The following RGS12 variants were observed in gnomAD, a reference collection of about 807,000 sequenced individuals.
RGS12 encodes regulator of G protein signaling 12.
RGS12 carries 66 observed loss-of-function variants against 120.1 expected under a neutral mutation model. The ratio of observed to expected loss-of-function variants is 0.55; its 90% CI spans 0.45 to 0.67. The LOEUF (loss-of-function observed/expected upper bound fraction) is 0.67, where lower values mean the gene tolerates loss of function less well. RGS12 is among the 30% of genes least tolerant of loss of function. The probability of loss-of-function intolerance (pLI) is 0.00; values close to 1 mark genes in which losing one functional copy is unlikely to be tolerated. For synonymous variants in RGS12, 827 were observed against 804.7 expected, an observed-to-expected ratio of 1.03 and a Z score of -0.47; for missense variants, 1,859 against 1,957.7, an observed-to-expected ratio of 0.95 and a Z score of 0.95.
intron 3 of RGS12, among the ~76,000 whole-genome samples, chr4:3,350,386 G>C (rs1714244534): frequency 6.6e-6 from 1 of 152,112 alleles, no homozygotes; most frequent in Non-Finnish European, 1.5e-5. Context: ...ATTTATCCAA[G>C]ATTTACTTAA....
In RGS12 at chr4:3,325,939, C is replaced by G. The variant is rs149689981; in HGVS notation, c.1881+7888C>G. 7.7e-3 allele frequency among the ~76,000 whole-genome samples: 1,169 copies of G among 152,232 alleles called. 9 individuals carry two copies. The highest frequency in any genetic ancestry group is 0.024 in the Middle Eastern group (7 of 294). On this transcript the variant is annotated intron_variant, in intron 2 of 17. Transcript: ENST00000336727. ...ATTAGGAACAAAACCATATGACCAT[C>G]TCAATAGACATAGAAAAAGCAGTTG...
chr4:3,424,683 G>T (rs570948302), intron 13 of RGS12, among the ~76,000 whole-genome samples: 2 of 152,270 alleles, frequency 1.3e-5, no homozygotes, highest in African/African-American at 4.8e-5. Flanking sequence ...TGCCGAGGCT[G>T]TGGGGGCTAT....
intron 4 of RGS12, among the ~76,000 whole-genome samples, chr4:3,411,241 T>TA (rs1441846935): frequency 6.6e-6 from 1 of 152,230 alleles, no homozygotes; most frequent in African/African-American, 2.4e-5. Context: ...GACCGTGACT[T>TA]AGACACTCAG....
chr4:3,359,732 C>T (rs759135116), intron 3 of RGS12, among the ~76,000 whole-genome samples: 2 of 151,380 alleles, frequency 1.3e-5, no homozygotes, highest in Non-Finnish European at 2.9e-5. Flanking sequence ...AAGTGATCCT[C>T]CCACCTCAGC....
intron 4 of RGS12, among the ~76,000 whole-genome samples, chr4:3,401,805 C>T (rs150728548): frequency 2.0e-3 from 298 of 152,380 alleles, no homozygotes; most frequent in African/African-American, 6.7e-3. Flanking sequence ...CCTCATTTAC[C>T]GCATGCTCAC....
rs1450554173 is a variant in RGS12, at chr4:3,316,719, T to A, written c.549T>A (p.His183Gln). The A allele has an allele frequency of 6.2e-7, 1 of 1,614,176 alleles. No homozygotes were observed. Among genetic ancestry groups the A allele is most frequent in the Non-Finnish European group, 8.5e-7 (1 of 1,180,030 alleles). ...CCGCAACTCGATTTGATGTTGGACA[T>A]GAAAGTATAAATAATCCAAATCCCA... is the stretch of plus-strand genomic sequence containing the variant. ...ESAATRFDVG[H>Q]ESINNPNPNM... Residue 183 changes from histidine to glutamine, a missense_variant, in exon 2 of 18, where the codon CAT becomes CAA. Physicochemically the swap from His to Gln is conservative, Grantham distance 24. This residue lies in a region of RGS12 where 967 missense variants were observed against 994.2 expected (regional missense o/e 0.97). Coordinates refer to ENST00000336727, the MANE Select transcript of RGS12 (RefSeq NM_001394154.1).
Position 3,316,641 on chromosome 4 carries a change from T to A in RGS12, c.471T>A (p.Cys157Ter), listed in dbSNP as rs1374712894. The A allele has an allele frequency of 6.2e-7, 1 of 1,614,158 alleles. No individual in the cohort carries two copies. Among genetic ancestry groups the A allele is most frequent in the Non-Finnish European group, 8.5e-7 (1 of 1,180,040 alleles). The change falls in exon 2 of 18, where the codon TGT becomes TGA. Residue 157 changes from cysteine to a stop codon, truncating the protein, a stop_gained. Transcript: ENST00000336727. LOFTEE classifies it high-confidence loss of function. ...TGATTTTTGAAAACCCGAGCCTTTG[T>A]GCGAGCAATTCAGAGCCCTTGAAAT... ...FNMIFENPSL[C>*]ASNSEPLKLK...
chr4:3,286,601 G>T, the RGS12 span, among the ~76,000 whole-genome samples: 1 of 152,214 alleles, frequency 6.6e-6, no homozygotes, highest in Non-Finnish European at 1.5e-5. Flanking sequence ...GCTGCGGTGT[G>T]GGGTTTGCTC....
rs371404745 is a variant in RGS12, at chr4:3,430,711, C to T, written c.3870C>T (p.Pro1290=). The T allele has an allele frequency of 1.1e-4, 168 of 1,581,022 alleles. No individual in the cohort carries two copies. Among genetic ancestry groups the T allele is most frequent in the Middle Eastern group, 8.5e-4 (5 of 5,886 alleles). Residue 1290 remains proline, a synonymous_variant, in exon 17 of 18, where the codon CCC becomes CCT. Transcript: ENST00000336727. Reference sequence around the variant, plus strand: ...CTGGACCTCCTGGGACGACCCCCCCCGGGCAGAAGTCTCCCAGCGGGCCCT... The same window carrying T: ...CTGGACCTCCTGGGACGACCCCCCCTGGGCAGAAGTCTCCCAGCGGGCCCT... The part of the protein sequence containing the change: ...SPPGPPGTTP[P]GQKSPSGPFC...
At chr4:3,325,513 GT>G (rs1239964783) in intron 2 of RGS12, among the ~76,000 whole-genome samples, 3 of 152,154 alleles carry the variant, frequency 2.0e-5, no homozygotes, top group Non-Finnish European at 2.9e-5. Flanking sequence ...AAAAGGGTGG[GT>G]CTGAATAACG....
In RGS12 at chr4:3,413,946, G is replaced by A. The variant is rs544235915; in HGVS notation, c.2021-126G>A. On this transcript the variant is annotated intron_variant, in intron 4 of 17. Coordinates refer to ENST00000336727, the MANE Select transcript of RGS12 (RefSeq NM_001394154.1). ...GGTAGGTGTGCTGTGCATAGTTGTT[G>A]ACTGAATGGGTGTTGGAGGGGACAG... is the stretch of plus-strand genomic sequence containing the variant. 29 of 953,008 alleles carry A rather than the reference G, an allele frequency of 3.0e-5. No homozygotes were observed. In the East Asian group the frequency reaches 7.7e-4, roughly 25 times the overall value. 59.0% of individuals were successfully genotyped at this position (953,008 alleles called of 1,614,324 possible).
chr4:3,361,883 C>T (rs906052982), intron 3 of RGS12, among the ~76,000 whole-genome samples: 4 of 152,186 alleles, frequency 2.6e-5, no homozygotes, highest in Non-Finnish European at 4.4e-5. Flanking sequence ...GACAGGCCCA[C>T]GTGCATCAGT....
At chr4:3,360,841 G>A (rs1328466002) in intron 3 of RGS12, among the ~76,000 whole-genome samples, 17 of 152,216 alleles carry the variant, frequency 1.1e-4, no homozygotes, top group Admixed American at 1.1e-3. Flanking sequence ...CCATGAGAAT[G>A]ACAAACGGCT....
chr4:3,310,192 G>A (rs1275571594), intron 1 of RGS12, among the ~76,000 whole-genome samples: 3 of 149,934 alleles, frequency 2.0e-5, no homozygotes, highest in African/African-American at 5.0e-5. Flanking sequence ...GCTGGGACCC[G>A]GGAATGGCAG....
intron 3 of RGS12, among the ~76,000 whole-genome samples, chr4:3,355,028 A>G (rs1283972399): frequency 6.6e-6 from 1 of 152,240 alleles, no homozygotes; most frequent in South Asian, 2.1e-4. Flanking sequence ...CAAGCTTGCT[A>G]ATAAACATAG....
chr4:3,300,556 A>G (rs1723627791), intron 1 of RGS12, among the ~76,000 whole-genome samples: 1 of 152,162 alleles, frequency 6.6e-6, no homozygotes, highest in South Asian at 2.1e-4. Context: ...GCCCAGTAGC[A>G]GCCCCCGGTC....
intron 3 of RGS12, among the ~76,000 whole-genome samples, chr4:3,375,330 A>C (rs1193241707): frequency 1.2e-5 from 1 of 84,422 alleles, no homozygotes; most frequent in African/African-American, 4.8e-5. Context: ...CTCCAGCCTC[A>C]TCTCCAGCCC....
intron 3 of RGS12, chr4:3,386,119 G>A: frequency 2.2e-6 from 1 of 455,314 alleles, no homozygotes; most frequent in Non-Finnish European, 3.9e-6. Flanking sequence ...ACTGAAGTTT[G>A]TGAAGTTGGT....
At chr4:3,293,333 G>T (rs1723157150) in intron 1 of RGS12, among the ~76,000 whole-genome samples, 1 of 145,208 alleles carries the variant, frequency 6.9e-6, no homozygotes, top group South Asian at 2.1e-4. Flanking sequence ...GGGCGGGGGC[G>T]GGCGGCGCGG....
Sources: gnomAD v4.1 joint callset for allele counts (sites outside exome capture counted in the v4.1 genomes callset) on GRCh38, gnomAD v4.1.1 for gene constraint, gnomAD v4.1.1 regional missense constraint, MANE v1.5 for transcripts, NCBI Gene and HGNC (gene_info 2026-07-23, HGNC 2026-07-21) for gene names.